Variants in FRYL observed in about 807,000 individuals in gnomAD.
FRYL encodes the protein protein furry homolog-like.
In FRYL, 150 loss-of-function variants were observed where a neutral mutation model predicts 351.2. The ratio of observed to expected loss-of-function variants is 0.43; its 90% CI spans 0.37 to 0.49. FRYL has a LOEUF of 0.49. Among genes scored for constraint, FRYL ranks in the 20% least tolerant of loss-of-function variants. The pLI, the probability that FRYL is intolerant of heterozygous loss-of-function variation, is 0.00. For synonymous variants in FRYL, 1,153 were observed against 1,257.1 expected (o/e 0.92, Z 1.75); for missense variants, 3,036 against 3,619.3 (o/e 0.84, Z 4.13).
intron 1 of FRYL, among the ~76,000 whole-genome samples, chr4:48,762,782 T>C (rs541584474): frequency 6.6e-6 from 1 of 152,328 alleles, no homozygotes; most frequent in South Asian, 2.1e-4. Flanking sequence ...TGCAAGGATT[T>C]TTGCATGTCT....
At chr4:48,759,989 C>A (rs533275631) in intron 1 of FRYL, among the ~76,000 whole-genome samples, 12 of 152,260 alleles carry the variant, frequency 7.9e-5, no homozygotes, top group South Asian at 2.1e-4. Flanking sequence ...TTATGTGCAT[C>A]CTTTACATCT....
chr4:48,556,276 T>C (rs1734107451), intron 35 of FRYL, among the ~76,000 whole-genome samples: 2 of 152,236 alleles, frequency 1.3e-5, no homozygotes, highest in South Asian at 2.1e-4. Flanking sequence ...GGGATAGATA[T>C]CTATATCTGC....
At chr4:48,536,746 G>T (rs1224841706) in intron 47 of FRYL, among the ~76,000 whole-genome samples, 1 of 152,006 alleles carries the variant, frequency 6.6e-6, no homozygotes, top group African/African-American at 2.4e-5. Flanking sequence ...TGGATGTTTT[G>T]TATGTATTTT....
intron 2 of FRYL, among the ~76,000 whole-genome samples, chr4:48,687,499 G>T (rs1449919221): frequency 3.8e-5 from 5 of 131,346 alleles, no homozygotes; most frequent in East Asian, 2.5e-4. Context: ...GGTCGGGGGG[G>T]GGGGGGGTGA....
chr4:48,732,003 A>T (rs1770779565), intron 1 of FRYL, among the ~76,000 whole-genome samples: 1 of 152,232 alleles, frequency 6.6e-6, no homozygotes, highest in African/African-American at 2.4e-5. Flanking sequence ...ACAGAATGGG[A>T]GAAAATTTTT....
intron 2 of FRYL, among the ~76,000 whole-genome samples, chr4:48,697,181 T>C (rs985552918): frequency 1.3e-5 from 2 of 152,070 alleles, no homozygotes; most frequent in Admixed American, 6.6e-5. Flanking sequence ...AAATACCATA[T>C]GATACAGTAA....
chr4:48,668,288 G>C (rs927407856), intron 3 of FRYL, among the ~76,000 whole-genome samples: 3 of 151,388 alleles, frequency 2.0e-5, no homozygotes, highest in Admixed American at 2.0e-4. Context: ...ATTTGAGGTG[G>C]TTTTTTTGTT....
At chr4:48,768,421 A>G (rs1775176876) in intron 1 of FRYL, among the ~76,000 whole-genome samples, 1 of 152,246 alleles carries the variant, frequency 6.6e-6, no homozygotes, top group Non-Finnish European at 1.5e-5. Flanking sequence ...AAAAGTGATT[A>G]TTTTGTAAAA....
At chr4:48,634,516 T>G in intron 3 of FRYL, 26 bp from the exon 4 acceptor site, 2 of 1,576,628 alleles carry the variant, frequency 1.3e-6, no homozygotes, top group African/African-American at 2.7e-5. Context: ...ACAAAAGAAC[T>G]CTACTTTAAT....
chr4:48,683,265 G>A (rs1764833537), intron 3 of FRYL, among the ~76,000 whole-genome samples: 1 of 149,842 alleles, frequency 6.7e-6, no homozygotes, highest in East Asian at 2.0e-4. Context: ...ACTGGGGCCT[G>A]TCAGGGGGTG....
chr4:48,540,621 A>G lies in FRYL; in HGVS notation c.6027T>C (p.Ser2009=), dbSNP rs375347641. 1.2e-6 allele frequency: 2 copies of G among 1,613,828 alleles called. No homozygotes were observed. Among genetic ancestry groups the G allele is most frequent in the Non-Finnish European group, 1.7e-6 (2 of 1,179,928 alleles). Residue 2009 remains serine (S), a synonymous_variant, in exon 46 of 64, where the codon TCT becomes TCC. Coordinates refer to ENST00000358350, the MANE Select transcript of FRYL (RefSeq NM_015030.2). ...CATATTCATAATCTGATTCTAATAAAGATGCTGCTATCCAAAAAATGGTGG... is the reference window on the plus strand; with the variant it reads ...CATATTCATAATCTGATTCTAATAAGGATGCTGCTATCCAAAAAATGGTGG... ...LMATIFWIAA[S]LLESDYEYEY...
At chr4:48,503,590 G>A (rs1720223332) in intron 60 of FRYL, among the ~76,000 whole-genome samples, 1 of 152,194 alleles carries the variant, frequency 6.6e-6, no homozygotes. Context: ...GGTCTCTTAC[G>A]AGGAGAATGA....
chr4:48,582,863 C>G, intron 19 of FRYL, 129 bp from the exon 20 acceptor site: 1 of 672,242 alleles, frequency 1.5e-6, no homozygotes, highest in Non-Finnish European at 2.6e-6. Context: ...AAGATAGCAA[C>G]CAATGATCAC....
At chr4:48,755,455 G>A (rs1773677595) in intron 1 of FRYL, among the ~76,000 whole-genome samples, 1 of 152,100 alleles carries the variant, frequency 6.6e-6, no homozygotes, top group South Asian at 2.1e-4. Flanking sequence ...AACTTTTGAG[G>A]TATGCCTCAA....
At chr4:48,551,108 A>G (rs1336989778) in intron 37 of FRYL, among the ~76,000 whole-genome samples, 2 of 152,000 alleles carry the variant, frequency 1.3e-5, no homozygotes. Context: ...ATACTAACAA[A>G]AGTTTACTAT....
chr4:48,688,646 T>C (rs1045517392), intron 2 of FRYL, among the ~76,000 whole-genome samples: 2 of 147,942 alleles, frequency 1.4e-5, no homozygotes, highest in South Asian at 2.1e-4. Flanking sequence ...GCATTTAACC[T>C]TCTCTTAGTC....
At chr4:48,502,995 T>C in intron 60 of FRYL, 150 bp from the exon 61 acceptor site, 1 of 603,850 alleles carries the variant, frequency 1.7e-6, no homozygotes, top group Admixed American at 3.4e-5. Context: ...TACAAAGTTA[T>C]TTCCAGAATA....
chr4:48,723,618 C>T (rs1471163065), intron 1 of FRYL, among the ~76,000 whole-genome samples: 1 of 152,086 alleles, frequency 6.6e-6, no homozygotes, highest in Non-Finnish European at 1.5e-5. Flanking sequence ...TTCTGTCAAC[C>T]CTATTTTCAA....
Position 48,565,623 on chromosome 4 carries a change from A to G in FRYL, c.3238T>C (p.Trp1080Arg). Residue 1080 changes from tryptophan (W) to arginine (R), a missense_variant, in exon 29 of 64, where the codon TGG (tryptophan) becomes CGG (arginine). Transcript: ENST00000358350. ...AACATGATGCTAAAAGGACCTGCCC[A>G]GTGACTGAACAGCATAAATAGACTG... ...RHSLFMLFSH[W>R]AGPFSIMFTP... The G allele has an allele frequency of 1.9e-6, 3 of 1,614,032 alleles. No individual in the cohort carries two copies. The highest frequency in any genetic ancestry group is 8.5e-7 in the Non-Finnish European group (1 of 1,179,980).
Sources: gnomAD v4.1 joint callset for allele counts (sites outside exome capture counted in the v4.1 genomes callset) on GRCh38, gnomAD v4.1.1 for gene constraint, MANE v1.5 for transcripts, NCBI Gene and HGNC (gene_info 2026-07-23, HGNC 2026-07-21) for gene names.